Variants in LAMA2 observed in about 807,000 individuals in gnomAD.
The protein encoded by LAMA2 is laminin subunit alpha 2.
A neutral mutation model predicts 364.8 loss-of-function variants in LAMA2; 269 were observed. The ratio of observed to expected loss-of-function variants is 0.74; its 90% CI spans 0.67 to 0.82. The LOEUF is 0.82. Among genes scored for constraint, LAMA2 ranks in the 40% least tolerant of loss-of-function variants. The pLI is 0.00. For synonymous variants in LAMA2, 1,379 were observed against 1,370.6 expected, an observed-to-expected ratio of 1.01 and a Z score of -0.14; for missense variants, 3,807 against 3,873.2, an observed-to-expected ratio of 0.98 and a Z score of 0.45.
intron 8 of LAMA2, 106 bp downstream of exon 8, chr6:129,154,789 A>T: frequency 1.1e-6 from 1 of 897,650 alleles, no homozygotes; most frequent in East Asian, 2.6e-5. Context: ...AAACAGTTGA[A>T]CTTCAAATTA....
chr6:129,465,337 CA>C (rs1783489297), intron 51 of LAMA2, 48 bp downstream of exon 51: 1 of 1,437,664 alleles, frequency 7.0e-7, no homozygotes, highest in Non-Finnish European at 9.7e-7. Context: ...TCATGAAATC[CA>C]AAGTGCACAT....
intron 1 of LAMA2, among the ~76,000 whole-genome samples, chr6:129,036,497 A>C (rs1057073397): frequency 2.6e-5 from 4 of 152,190 alleles, no homozygotes; most frequent in Admixed American, 6.5e-5. Flanking sequence ...TGGAGTATGT[A>C]TGGTTAGCTC....
chr6:128,985,678 A>AT (rs930888945), intron 1 of LAMA2, among the ~76,000 whole-genome samples: 19 of 150,568 alleles, frequency 1.3e-4, no homozygotes, highest in East Asian at 1.9e-4. Context: ...CCATCAACTA[A>AT]TTTTTTTTTT....
At chr6:129,452,210 T>C (rs1263135550) in intron 45 of LAMA2, among the ~76,000 whole-genome samples, 2 of 152,196 alleles carry the variant, frequency 1.3e-5, no homozygotes, top group African/African-American at 4.8e-5. Flanking sequence ...AATCAACTAG[T>C]GTTATTTATG....
intron 30 of LAMA2, among the ~76,000 whole-genome samples, chr6:129,344,268 T>C (rs1044307777): frequency 1.3e-5 from 2 of 152,024 alleles, no homozygotes; most frequent in Admixed American, 1.3e-4. Flanking sequence ...GAACCAGAAG[T>C]AGGTAATAGT....
intron 19 of LAMA2, 96 bp downstream of exon 19, chr6:129,288,154 T>C (rs1343390421): frequency 1.0e-6 from 1 of 985,686 alleles, no homozygotes; most frequent in African/African-American, 1.6e-5. Context: ...AGTAGGAAAT[T>C]ATGTGGAATA....
At chr6:129,342,508 G>T in intron 30 of LAMA2, 41 bp downstream of exon 30, 2 of 1,602,786 alleles carry the variant, frequency 1.2e-6, no homozygotes, top group Non-Finnish European at 1.7e-6. Flanking sequence ...AATCAGAAAC[G>T]CCATCTGTCT....
chr6:128,890,242 G>A (rs1408164220), intron 1 of LAMA2, among the ~76,000 whole-genome samples: 1 of 152,128 alleles, frequency 6.6e-6, no homozygotes, highest in African/African-American at 2.4e-5. Flanking sequence ...CTGTTTAGTA[G>A]ATTAATATAA....
At chr6:128,929,540 A>G (rs1332635358) in intron 1 of LAMA2, 2 of 949,706 alleles carry the variant, frequency 2.1e-6, no homozygotes, top group African/African-American at 1.6e-5. Context: ...GAAACTCCTG[A>G]GCGACAATTA....
intron 18 of LAMA2, among the ~76,000 whole-genome samples, chr6:129,282,078 T>G (rs567667065): frequency 1.3e-5 from 2 of 152,286 alleles, no homozygotes; most frequent in South Asian, 4.1e-4. Context: ...GATCAGCTTA[T>G]GCACATCATC....
intron 3 of LAMA2, among the ~76,000 whole-genome samples, chr6:129,070,341 T>C (rs1421285393): frequency 2.0e-5 from 3 of 152,148 alleles, no homozygotes; most frequent in Non-Finnish European, 4.4e-5. Context: ...TAAGTTGTAA[T>C]GTGAAAAATG....
At chr6:129,146,836 A>G (rs1778485750) in intron 5 of LAMA2, 123 bp from the exon 6 acceptor site, 1 of 744,048 alleles carries the variant, frequency 1.3e-6, no homozygotes, top group Admixed American at 1.9e-5. Context: ...GTCCTCAAGA[A>G]ACACAAATGT....
rs967479 is a variant in LAMA2, at chr6:129,211,720, G to A, written c.1782+18867G>A. 8.7e-3 allele frequency among the ~76,000 whole-genome samples: 1,318 copies of A among 152,278 alleles called. 9 individuals are homozygous for A. The highest frequency in any genetic ancestry group is 0.03 in the African/African-American group (1,257 of 41,552). On this transcript the variant is annotated intron_variant, in intron 12 of 64. Transcript: ENST00000421865. Reference sequence around the variant, plus strand: ...TTAAGCATTGAATTCTATAGGAAATGTTTCTAATCACCCTATCCCCCAGCT... The same window carrying A: ...TTAAGCATTGAATTCTATAGGAAATATTTCTAATCACCCTATCCCCCAGCT...
chr6:129,103,710 C>A (rs1775656190), intron 4 of LAMA2, among the ~76,000 whole-genome samples: 1 of 152,082 alleles, frequency 6.6e-6, no homozygotes. Context: ...TTTCTCATTG[C>A]ATCAATCATT....
chr6:128,945,684 A>C (rs1780442289), intron 1 of LAMA2, among the ~76,000 whole-genome samples: 1 of 152,192 alleles, frequency 6.6e-6, no homozygotes, highest in Admixed American at 6.5e-5. Context: ...CTTTGTGTAT[A>C]CACATTTCCT....
chr6:129,288,108 C>A, intron 19 of LAMA2, 50 bp downstream of exon 19: 1 of 1,489,938 alleles, frequency 6.7e-7, no homozygotes, highest in South Asian at 1.1e-5. Flanking sequence ...TATTGTACCT[C>A]AAAGTAGCTG....
chr6:129,190,173 C>T (rs370401113), intron 10 of LAMA2, 32 bp from the exon 11 acceptor site: 41 of 1,609,628 alleles, frequency 2.5e-5, no homozygotes, highest in South Asian at 1.1e-4. Flanking sequence ...TTGAAGGATA[C>T]CTCTGTTGCT....
chr6:129,139,091 A>C (rs1387693985), intron 4 of LAMA2, among the ~76,000 whole-genome samples: 1 of 152,112 alleles, frequency 6.6e-6, no homozygotes, highest in East Asian at 1.9e-4. Flanking sequence ...CTTTCCCAAG[A>C]GCAGTTTCAG....
At chr6:129,226,368 G>A (rs936208868) in intron 12 of LAMA2, among the ~76,000 whole-genome samples, 2 of 152,154 alleles carry the variant, frequency 1.3e-5, no homozygotes, top group African/African-American at 4.8e-5. Context: ...ATATGATCCT[G>A]TCATTATGAT....
Sources: gnomAD v4.1 joint callset for allele counts (sites outside exome capture counted in the v4.1 genomes callset) on GRCh38, gnomAD v4.1.1 for gene constraint, MANE v1.5 for transcripts, NCBI Gene and HGNC (gene_info 2026-07-23, HGNC 2026-07-21) for gene names.